The following MARCHF6 variants were observed in gnomAD, a reference collection of about 807,000 sequenced individuals.
MARCHF6 encodes the protein membrane associated ring-CH-type finger 6.
MARCHF6 carries 31 observed loss-of-function variants against 133.7 expected under a neutral mutation model. The observed-to-expected ratio is 0.23, with a 90% CI of 0.17 to 0.31. The LOEUF is 0.31. Ranked by LOEUF, MARCHF6 falls within the 10% of genes least tolerant of loss-of-function variation. The probability of loss-of-function intolerance (pLI) is 1.00; values close to 1 mark genes in which losing one functional copy is unlikely to be tolerated. For synonymous variants in MARCHF6, 395 were observed against 402.5 expected, an observed-to-expected ratio of 0.98 and a Z score of 0.22; for missense variants, 723 against 1,121.6, an observed-to-expected ratio of 0.64 and a Z score of 5.08.
intron 1 of MARCHF6, among the ~76,000 whole-genome samples, chr5:10,369,565 A>G (rs565670205): frequency 3.3e-5 from 5 of 151,302 alleles, no homozygotes; most frequent in Non-Finnish European, 7.4e-5. Context: ...ACATGCAGTC[A>G]TATAGCCAGC....
rs1461981441 is a variant in MARCHF6, at chr5:10,412,547, G to A, written c.1896+1010G>A. ...TCAGGACTAGGGCACATTAGGCATGGTGGGCTTAGAATTGCAGATAAGAGA... is the reference window on the plus strand; with the variant it reads ...TCAGGACTAGGGCACATTAGGCATGATGGGCTTAGAATTGCAGATAAGAGA... On this transcript the variant is annotated intron_variant, in intron 19 of 25. Coordinates refer to ENST00000274140, the MANE Select transcript of MARCHF6 (RefSeq NM_005885.4). 3.3e-5 allele frequency among the ~76,000 whole-genome samples: 5 copies of A among 152,284 alleles called. No individual in the cohort carries two copies. The East Asian group carries it at 9.7e-4, about 29-fold the overall frequency.
chr5:10,356,343 A>ATTTTAT (rs544284130), intron 1 of MARCHF6, among the ~76,000 whole-genome samples: 26 of 101,492 alleles, frequency 2.6e-4, no homozygotes, highest in African/African-American at 6.5e-4. Context: ...TCTGTTTTTT[A>ATTTTAT]TTTATTTTAT....
intron 5 of MARCHF6, 144 bp downstream of exon 5, chr5:10,387,210 CAGT>C: frequency 1.9e-6 from 1 of 513,898 alleles, no homozygotes; most frequent in Non-Finnish European, 3.4e-6. Flanking sequence ...GTTATAGCTG[CAGT>C]AGAAGTAGCT....
intron 20 of MARCHF6, 40 bp from the exon 21 acceptor site, chr5:10,415,446 TAC>T: frequency 1.3e-6 from 2 of 1,550,310 alleles, no homozygotes. Flanking sequence ...CAATTCTCTT[TAC>T]CTAGCCACAT....
intron 21 of MARCHF6, 69 bp downstream of exon 21, chr5:10,415,738 A>C (rs1739466239): frequency 8.7e-7 from 1 of 1,152,814 alleles, no homozygotes; most frequent in East Asian, 3.3e-5. Context: ...GTCATCTTAA[A>C]TTTTTTTTTT....
rs576394051 is a variant in MARCHF6 at position 10,424,796 on chromosome 5, T to C, written c.2373+972T>C. Among the ~76,000 whole-genome samples, 4 of 152,344 alleles carry C rather than the reference T, an allele frequency of 2.6e-5. No individual in the cohort carries two copies. In the East Asian group the frequency reaches 7.7e-4, roughly 29 times the overall value. ...TTACAAAAGGAGAGCTGTTTTGGCT[T>C]CATCTAGCTACATAGTACCTAAGAC... On this transcript the variant is annotated intron_variant, in intron 23 of 25. Coordinates refer to ENST00000274140, the MANE Select transcript of MARCHF6 (RefSeq NM_005885.4).
intron 25 of MARCHF6, among the ~76,000 whole-genome samples, chr5:10,433,054 C>T (rs940420336): frequency 2.6e-5 from 4 of 152,084 alleles, no homozygotes; most frequent in African/African-American, 9.7e-5. Flanking sequence ...ACACACCCAG[C>T]TAATTTTGTA....
chr5:10,400,754 G>A, intron 10 of MARCHF6, 30 bp from the exon 11 acceptor site: 1 of 1,548,280 alleles, frequency 6.5e-7, no homozygotes, highest in Non-Finnish European at 8.9e-7. Flanking sequence ...TGATGTCGGA[G>A]TTTTCATGGA....
Position 10,394,069 on chromosome 5 carries a change from A to G in MARCHF6, c.767-13A>G. 1 of 1,476,554 alleles carries G rather than the reference A, an allele frequency of 6.8e-7. No homozygotes were observed. Among genetic ancestry groups the G allele is most frequent in the Non-Finnish European group, 9.1e-7 (1 of 1,097,858 alleles). The allele number at this position is 1,476,554 out of a possible 1,614,324, so 91.5% of individuals were successfully genotyped here. A position where few individuals can be genotyped will look rare whatever the true frequency, so the allele number is the denominator to read the frequency against. ...TACTTCAAGTAATCTTTAAATTGCA[A>G]TTATATTTTCAGATGACATGAATTG... On this transcript the variant is annotated splice_polypyrimidine_tract_variant and intron_variant, in intron 7 of 25. Transcript: ENST00000274140.
intron 10 of MARCHF6, 75 bp from the exon 11 acceptor site, chr5:10,400,709 T>A: frequency 1.9e-6 from 2 of 1,071,176 alleles, no homozygotes; most frequent in Non-Finnish European, 2.9e-6. Flanking sequence ...CTAGTTCCTT[T>A]TAGTGGGGAA....
At chr5:10,425,281 T>C (rs949076849) in intron 23 of MARCHF6, among the ~76,000 whole-genome samples, 8 of 152,090 alleles carry the variant, frequency 5.3e-5, no homozygotes, top group African/African-American at 1.9e-4. Context: ...GTGTGATGGA[T>C]TGGGGGCTTC....
chr5:10,378,442 C>T (rs968710295), intron 2 of MARCHF6, among the ~76,000 whole-genome samples: 1 of 152,154 alleles, frequency 6.6e-6, no homozygotes, highest in African/African-American at 2.4e-5. Context: ...TACCAGGTAC[C>T]AGTATTATCA....
At chr5:10,387,306 CTTTT>C (rs1241488268) in intron 5 of MARCHF6, among the ~76,000 whole-genome samples, 1 of 139,774 alleles carries the variant, frequency 7.2e-6, no homozygotes, top group African/African-American at 2.6e-5. Flanking sequence ...TTCTTTCTTT[CTTTT>C]TTTTTTTTTT....
intron 1 of MARCHF6, among the ~76,000 whole-genome samples, chr5:10,375,249 G>A (rs1736702278): frequency 6.6e-6 from 1 of 152,224 alleles, no homozygotes; most frequent in Non-Finnish European, 1.5e-5. Flanking sequence ...GCCTGCACTC[G>A]GAGCAGCCGG....
At position 10,366,639 on chromosome 5, in the gene MARCHF6, C is replaced by T. The variant is rs1279397864; in HGVS notation, c.20-11159C>T. On this transcript the variant is annotated intron_variant, in intron 1 of 25. Transcript: ENST00000274140. ...AAAAAGGGGAAGAAAAAGAGGGCTC[C>T]CTGCTTCTAGGGAGCAAAGGCAGCA... is the stretch of plus-strand genomic sequence containing the variant. Among the ~76,000 whole-genome samples the T allele has an allele frequency of 1.2e-4, 18 of 152,288 alleles. No homozygotes were observed. In the East Asian group the frequency reaches 3.3e-3, roughly 28 times the overall value.
At chr5:10,413,345 A>G (rs1209355528) in intron 19 of MARCHF6, 1 of 152,238 alleles carries the variant, frequency 6.6e-6, no homozygotes. Context: ...ATGACTTTTC[A>G]CACAGTTACA....
intron 1 of MARCHF6, among the ~76,000 whole-genome samples, chr5:10,375,842 A>G (rs1205069531): frequency 2.0e-5 from 3 of 151,974 alleles, no homozygotes; most frequent in Non-Finnish European, 4.4e-5. Flanking sequence ...AAACACACCA[A>G]TCAGCACCCT....
At chr5:10,408,331 A>G (rs1226793936) in intron 17 of MARCHF6, among the ~76,000 whole-genome samples, 1 of 152,136 alleles carries the variant, frequency 6.6e-6, no homozygotes, top group Non-Finnish European at 1.5e-5. Context: ...ATGAGATGCA[A>G]GACTTGGCAT....
intron 23 of MARCHF6, among the ~76,000 whole-genome samples, chr5:10,425,197 G>A (rs1454879900): frequency 6.6e-6 from 1 of 152,200 alleles, no homozygotes; most frequent in African/African-American, 2.4e-5. Context: ...GAGTAGGGGG[G>A]TTAGGGAGCC....
Sources: gnomAD v4.1 joint callset for allele counts (sites outside exome capture counted in the v4.1 genomes callset) on GRCh38, gnomAD v4.1.1 for gene constraint, MANE v1.5 for transcripts, NCBI Gene and HGNC (gene_info 2026-07-23, HGNC 2026-07-21) for gene names.